The following SYT16 variants were observed in gnomAD, a reference collection of about 807,000 sequenced individuals.
SYT16 encodes synaptotagmin-16.
A neutral mutation model predicts 61.4 loss-of-function variants in SYT16; 42 were observed. The ratio of observed to expected loss-of-function variants is 0.68; its 90% confidence interval spans 0.53 to 0.89. SYT16 has a LOEUF of 0.89. Ranked by LOEUF, SYT16 falls within the 40% of genes least tolerant of loss-of-function variation. The probability of loss-of-function intolerance (pLI) is 0.00; values close to 1 mark genes in which losing one functional copy is unlikely to be tolerated. For synonymous variants in SYT16, 314 were observed against 302.3 expected (o/e 1.04, Z -0.40); for missense variants, 804 against 807.3 (o/e 1.00, Z 0.05).
intron 3 of SYT16, among the ~76,000 whole-genome samples, chr14:62,040,623 A>C (rs1266065593): frequency 6.6e-6 from 1 of 152,140 alleles, no homozygotes; most frequent in African/African-American, 2.4e-5. Context: ...TTCTTTCTGC[A>C]TTTAAGAAAT....
At chr14:62,063,946 A>G (rs952185402) in intron 3 of SYT16, among the ~76,000 whole-genome samples, 3 of 152,080 alleles carry the variant, frequency 2.0e-5, no homozygotes, top group Non-Finnish European at 1.5e-5. Flanking sequence ...TGTTTAGATG[A>G]TATCTGAGAT....
At position 61,965,908 on chromosome 14, in the gene SYT16, C is replaced by G. The variant is rs138629470; in HGVS notation, c.-324-4224C>G. On this transcript the variant is annotated intron_variant, in intron 1 of 7. Transcript: ENST00000683842. Reference sequence around the variant, plus strand: ...AAAGAGACTCACAGAAGGATACATTCTGGTAAAATTTTTGTGTTATAAAGG... The same window carrying G: ...AAAGAGACTCACAGAAGGATACATTGTGGTAAAATTTTTGTGTTATAAAGG... Among the ~76,000 whole-genome samples the G allele has an allele frequency of 9.4e-4, 143 of 152,016 alleles. 1 individual carries two copies. The highest frequency in any genetic ancestry group is 3.1e-3 in the African/African-American group (130 of 41,498).
intron 7 of SYT16, among the ~76,000 whole-genome samples, chr14:62,091,876 A>C (rs1595394679): frequency 6.6e-6 from 1 of 152,278 alleles, no homozygotes; most frequent in Non-Finnish European, 1.5e-5. Context: ...AAGTTCAAAA[A>C]TTTTGTGCAT....
intron 7 of SYT16, among the ~76,000 whole-genome samples, chr14:62,086,627 A>G (rs1188101858): frequency 6.6e-6 from 1 of 152,234 alleles, no homozygotes; most frequent in Admixed American, 6.5e-5. Context: ...CAAAACTGTG[A>G]TGTTGAGGAT....
At chr14:61,901,944 T>A (rs1224243232) in intron 1 of SYT16, among the ~76,000 whole-genome samples, 1 of 151,980 alleles carries the variant, frequency 6.6e-6, no homozygotes, top group East Asian at 1.9e-4. Flanking sequence ...ATATTTTTAG[T>A]AGAGACAAGG....
chr14:61,913,380 G>A (rs1447584777), intron 1 of SYT16, among the ~76,000 whole-genome samples: 4 of 152,030 alleles, frequency 2.6e-5, no homozygotes, highest in Admixed American at 2.6e-4. Flanking sequence ...AAAGACTATA[G>A]TCTATAGACT....
intron 1 of SYT16, among the ~76,000 whole-genome samples, chr14:61,835,813 A>G (rs980945179): frequency 6.6e-5 from 10 of 152,142 alleles, no homozygotes; most frequent in African/African-American, 2.4e-4. Flanking sequence ...ATCAAACAAA[A>G]CTTTTCTACA....
chr14:61,977,924 G>A (rs1434053387), intron 2 of SYT16, among the ~76,000 whole-genome samples: 7 of 152,096 alleles, frequency 4.6e-5, no homozygotes, highest in African/African-American at 9.7e-5. Flanking sequence ...GCAGGGCCAC[G>A]ATCCCTGGAG....
chr14:62,068,364 AAAAAAC>A (rs748074118), intron 3 of SYT16, among the ~76,000 whole-genome samples: 5 of 87,724 alleles, frequency 5.7e-5, no homozygotes, highest in South Asian at 5.3e-4. Flanking sequence ...GTGGAATCTA[AAAAAAC>A]AAAACAAAAC....
chr14:61,813,404 A>G (rs755048468), intron 1 of SYT16, among the ~76,000 whole-genome samples: 1 of 152,242 alleles, frequency 6.6e-6, no homozygotes, highest in Non-Finnish European at 1.5e-5. Context: ...TGCTTTTGGC[A>G]TCTTGGCACC....
intron 3 of SYT16, among the ~76,000 whole-genome samples, chr14:62,015,177 AT>A (rs757401635): frequency 4.6e-5 from 7 of 152,048 alleles, no homozygotes; most frequent in African/African-American, 1.7e-4. Flanking sequence ...TTGTATCTAA[AT>A]TTTTTTATGG....
intron 3 of SYT16, among the ~76,000 whole-genome samples, chr14:62,010,023 AC>A (rs201483374): frequency 0.028 from 4,236 of 152,248 alleles, 75 homozygotes; most frequent in Admixed American, 0.04. Flanking sequence ...TGAAACCAAT[AC>A]CCTGTATTAA....
intron 7 of SYT16, 136 bp downstream of exon 7, chr14:62,084,521 T>C: frequency 1.1e-6 from 1 of 946,724 alleles, no homozygotes; most frequent in East Asian, 2.8e-5. Flanking sequence ...CACAAAGAGA[T>C]ACCTCTGTAT....
rs1361850568 is a variant in SYT16, at chr14:61,832,019, A to G, written c.-325+19209A>G. 34 of 679,096 alleles carry G rather than the reference A, an allele frequency of 5.0e-5. No homozygotes were observed. The Admixed American group carries it at 6.3e-4, about 13-fold the overall frequency. The allele number at this position is 679,096 out of a possible 1,614,324, so 42.1% of individuals were successfully genotyped here. ...ACACACAGCGCTTCTCCCAGATGAT[A>G]ATGAACGCCGTGAAGCCAAGGAAGA... On this transcript the variant is annotated intron_variant, in intron 1 of 7. Transcript: ENST00000683842.
chr14:62,026,245 T>A (rs1282918056), intron 3 of SYT16, among the ~76,000 whole-genome samples: 2 of 152,180 alleles, frequency 1.3e-5, no homozygotes, highest in Non-Finnish European at 2.9e-5. Context: ...TATCAAAGTA[T>A]ATTTCAAACT....
Position 62,069,372 on chromosome 14 carries a change from G to T in SYT16, c.524-231G>T, listed in dbSNP as rs559995100. ...ATGATTATGGGTGTCCCAATGATTT[G>T]TCTTGGGTTCTAGCTATATACCGTA... On this transcript the variant is annotated intron_variant, in intron 3 of 7. Coordinates refer to ENST00000683842, the MANE Select transcript of SYT16 (RefSeq NM_001367656.1). 1.3e-5 allele frequency: 7 copies of T among 548,088 alleles called. No homozygotes were observed. In the Admixed American group the frequency reaches 2.3e-4, roughly 18 times the overall value. The allele number at this position is 548,088 out of a possible 1,614,324, so 34.0% of individuals were successfully genotyped here.
At chr14:61,823,432 G>A (rs974040096) in intron 1 of SYT16, among the ~76,000 whole-genome samples, 8 of 151,800 alleles carry the variant, frequency 5.3e-5, no homozygotes, top group South Asian at 2.1e-4. Context: ...TTGCACTTAC[G>A]AAAAGCATGA....
intron 3 of SYT16, among the ~76,000 whole-genome samples, chr14:62,004,321 G>A (rs1320882491): frequency 1.3e-5 from 2 of 152,084 alleles, no homozygotes; most frequent in Admixed American, 6.5e-5. Context: ...GATCTCATGA[G>A]TACTCCCTCA....
chr14:61,929,005 A>AGC, intron 1 of SYT16, among the ~76,000 whole-genome samples: 1 of 152,326 alleles, frequency 6.6e-6, no homozygotes, highest in Non-Finnish European at 1.5e-5. Context: ...GAACATTGCT[A>AGC]AATATCTATG....
Sources: allele counts gnomAD v4.1 joint callset (sites outside exome capture counted in the v4.1 genomes callset), GRCh38; gene constraint gnomAD v4.1.1; transcripts MANE v1.5; gene names NCBI Gene and HGNC (gene_info 2026-07-23, HGNC 2026-07-21).